The following NCAM2 variants were observed in gnomAD, a reference collection of about 807,000 sequenced individuals.
NCAM2 encodes the protein neural cell adhesion molecule 2, also known as N-CAM-2.
Under a neutral mutation model 98.1 loss-of-function variants are expected in NCAM2, and 30 were observed. That is an observed-to-expected ratio of 0.31 (90% CI 0.23 to 0.41). The LOEUF is 0.41. NCAM2 is among the 10% of genes least tolerant of loss of function. The pLI is 1.00. For synonymous variants in NCAM2, 368 were observed against 342.4 expected (o/e 1.07, Z -0.83); for missense variants, 867 against 1,005.8 (o/e 0.86, Z 1.87).
At chr21:21,328,908 G>T (rs983666023) in intron 6 of NCAM2, among the ~76,000 whole-genome samples, 1 of 151,444 alleles carries the variant, frequency 6.6e-6, no homozygotes, top group African/African-American at 2.4e-5. Flanking sequence ...AGTCCTGGAA[G>T]CTCCATTTAC....
chr21:21,146,316 T>C (rs1417404902), intron 1 of NCAM2, among the ~76,000 whole-genome samples: 1 of 151,664 alleles, frequency 6.6e-6, no homozygotes, highest in African/African-American at 2.4e-5. Flanking sequence ...TGTTTTTTCA[T>C]GGATTATAAA....
chr21:21,177,095 G>A (rs1256208416), intron 1 of NCAM2, among the ~76,000 whole-genome samples: 1 of 152,036 alleles, frequency 6.6e-6, no homozygotes, highest in Non-Finnish European at 1.5e-5. Flanking sequence ...AAGTAAGAAA[G>A]AGAATATATT....
chr21:21,305,073 T>C (rs906628470), intron 5 of NCAM2, among the ~76,000 whole-genome samples: 4 of 152,142 alleles, frequency 2.6e-5, no homozygotes, highest in Admixed American at 1.3e-4. Flanking sequence ...ATCCCAGCAC[T>C]TTGGAAGGCC....
At chr21:21,395,649 C>T (rs550341941) in intron 9 of NCAM2, among the ~76,000 whole-genome samples, 1 of 151,990 alleles carries the variant, frequency 6.6e-6, no homozygotes, top group African/African-American at 2.4e-5. Context: ...AACAAAACAG[C>T]ATGGATTAAA....
intron 1 of NCAM2, among the ~76,000 whole-genome samples, chr21:21,014,449 A>T (rs985636978): frequency 6.6e-6 from 1 of 151,952 alleles, no homozygotes; most frequent in Non-Finnish European, 1.5e-5. Flanking sequence ...AAATTATGCC[A>T]AATCTATTCT....
chr21:21,522,960 C>G (rs1028628739), intron 16 of NCAM2, among the ~76,000 whole-genome samples: 1 of 152,128 alleles, frequency 6.6e-6, no homozygotes, highest in Non-Finnish European at 1.5e-5. Flanking sequence ...ATGCTTTAAA[C>G]TAGAAACTCA....
intron 1 of NCAM2, among the ~76,000 whole-genome samples, chr21:21,030,714 T>C (rs916527632): frequency 6.6e-6 from 1 of 152,204 alleles, no homozygotes. Context: ...GGGAGGTAAG[T>C]TGGAGAATGT....
At chr21:21,077,463 C>T (rs915604478) in intron 1 of NCAM2, among the ~76,000 whole-genome samples, 71 of 152,124 alleles carry the variant, frequency 4.7e-4, no homozygotes, top group African/African-American at 1.5e-3. Flanking sequence ...CTCTGTTACT[C>T]CATCTGTTTC....
At chr21:21,535,905 A>C (rs1989956741) in intron 17 of NCAM2, among the ~76,000 whole-genome samples, 2 of 152,162 alleles carry the variant, frequency 1.3e-5, no homozygotes, top group Admixed American at 6.5e-5. Flanking sequence ...CTATACCCAG[A>C]AACAAACTAT....
At chr21:21,358,952 T>C (rs537890787) in intron 8 of NCAM2, among the ~76,000 whole-genome samples, 138 of 152,182 alleles carry the variant, frequency 9.1e-4, no homozygotes, top group African/African-American at 3.2e-3. Context: ...TTCTTCTGTT[T>C]AGCTTTCCAT....
At chr21:21,363,739 A>G (rs1206260843) in intron 8 of NCAM2, among the ~76,000 whole-genome samples, 3 of 151,758 alleles carry the variant, frequency 2.0e-5, no homozygotes, top group Non-Finnish European at 4.4e-5. Flanking sequence ...TATTTTTTTT[A>G]CAAAATCCAT....
At chr21:21,348,548 A>G (rs961451076) in intron 8 of NCAM2, among the ~76,000 whole-genome samples, 2 of 152,146 alleles carry the variant, frequency 1.3e-5, no homozygotes, top group East Asian at 1.9e-4. Flanking sequence ...GATTCAGTGC[A>G]ATCCCTATCA....
chr21:21,251,792 G>T (rs1281651698), intron 1 of NCAM2, among the ~76,000 whole-genome samples: 1 of 145,432 alleles, frequency 6.9e-6, no homozygotes, highest in Non-Finnish European at 1.5e-5. Context: ...TTAGATTCTG[G>T]ATTTTAGACC....
At chr21:21,422,661 C>T (rs2077134611) in intron 11 of NCAM2, among the ~76,000 whole-genome samples, 1 of 152,088 alleles carries the variant, frequency 6.6e-6, no homozygotes, top group Non-Finnish European at 1.5e-5. Context: ...AAATATTTCA[C>T]ATATGTGCTT....
intron 14 of NCAM2, among the ~76,000 whole-genome samples, chr21:21,476,537 T>G (rs193219239): frequency 6.6e-6 from 1 of 152,178 alleles, no homozygotes. Flanking sequence ...TCACACTGTT[T>G]TAGATAATTT....
chr21:21,193,321 T>C (rs1336598650), intron 1 of NCAM2, among the ~76,000 whole-genome samples: 1 of 152,092 alleles, frequency 6.6e-6, no homozygotes, highest in Non-Finnish European at 1.5e-5. Context: ...CTTCCTGTTA[T>C]AGCCATGCTG....
intron 8 of NCAM2, among the ~76,000 whole-genome samples, chr21:21,367,107 T>G (rs1390577975): frequency 2.0e-5 from 3 of 152,014 alleles, no homozygotes; most frequent in Admixed American, 2.0e-4. Context: ...AAGGAAGAGC[T>G]TCATAATATA....
At chr21:21,491,959 G>A (rs960651680) in intron 15 of NCAM2, among the ~76,000 whole-genome samples, 1 of 151,310 alleles carries the variant, frequency 6.6e-6, no homozygotes, top group African/African-American at 2.4e-5. Context: ...GAATCCCCTT[G>A]ATAATAGGAT....
intron 1 of NCAM2, among the ~76,000 whole-genome samples, chr21:21,140,806 A>G (rs967437798): frequency 6.6e-6 from 1 of 152,180 alleles, no homozygotes; most frequent in Non-Finnish European, 1.5e-5. Context: ...TCAAAAATGA[A>G]CACTAGTGAA....
Sources: gnomAD v4.1 joint callset for allele counts (sites outside exome capture counted in the v4.1 genomes callset) on GRCh38, gnomAD v4.1.1 for gene constraint, MANE v1.5 for transcripts, NCBI Gene and HGNC (gene_info 2026-07-23, HGNC 2026-07-21) for gene names.